The following TMEM74 variants were observed in gnomAD, a reference collection of about 807,000 sequenced individuals.
The protein encoded by TMEM74 is transmembrane protein 74.
TMEM74 carries 13 observed loss-of-function variants against 18.1 expected under a neutral mutation model. The ratio of observed to expected loss-of-function variants is 0.72; its 90% confidence interval spans 0.47 to 1.14. The LOEUF is 1.14. TMEM74 is among the 50% of genes most tolerant of loss of function. TMEM74 has a pLI of 0.00. For missense variants in TMEM74, 372 were observed against 375.9 expected, an observed-to-expected ratio of 0.99 and a Z score of 0.09; for synonymous variants, 159 against 146.6, an observed-to-expected ratio of 1.08 and a Z score of -0.61.
At chr8:108,613,836 A>G (rs896354744) in intron 2 of TMEM74, among the ~76,000 whole-genome samples, 19 of 152,192 alleles carry the variant, frequency 1.2e-4, no homozygotes, top group Non-Finnish European at 2.5e-4. Flanking sequence ...ATAAACTACA[A>G]GGTAGATTAC....
intron 1 of TMEM74, among the ~76,000 whole-genome samples, chr8:108,716,496 A>C (rs995667571): frequency 6.6e-6 from 1 of 152,072 alleles, no homozygotes; most frequent in Non-Finnish European, 1.5e-5. Context: ...AAAATTATAG[A>C]TTAGAAATTT....
chr8:108,617,003 A>G (rs990548349), intron 2 of TMEM74, among the ~76,000 whole-genome samples: 4 of 151,728 alleles, frequency 2.6e-5, no homozygotes, highest in African/African-American at 9.7e-5. Flanking sequence ...TATACTGACT[A>G]TATATTTATA....
intron 2 of TMEM74, among the ~76,000 whole-genome samples, chr8:108,616,353 A>G (rs1812383684): frequency 6.6e-6 from 1 of 152,194 alleles, no homozygotes; most frequent in Admixed American, 6.5e-5. Context: ...ATTCCATAAG[A>G]TGACATTAAA....
chr8:108,753,898 G>T (rs1813928848), intron 1 of TMEM74, among the ~76,000 whole-genome samples: 1 of 151,942 alleles, frequency 6.6e-6, no homozygotes, highest in African/African-American at 2.4e-5. Context: ...GATGTTATTA[G>T]CTGTACCTCA....
chr8:108,652,978 T>G, intron 2 of TMEM74: 1 of 256,078 alleles, frequency 3.9e-6, no homozygotes, highest in Non-Finnish European at 7.8e-6. Flanking sequence ...TTTAGTTTAT[T>G]TCCTCTGGAA....
At chr8:108,672,909 G>A (rs1197114123) in intron 1 of TMEM74, among the ~76,000 whole-genome samples, 1 of 152,160 alleles carries the variant, frequency 6.6e-6, no homozygotes, top group Non-Finnish European at 1.5e-5. Context: ...GTACAACATG[G>A]GTCACAAAGC....
intron 1 of TMEM74, among the ~76,000 whole-genome samples, chr8:108,676,436 C>G (rs1056694169): frequency 2.0e-5 from 3 of 152,106 alleles, no homozygotes; most frequent in African/African-American, 4.8e-5. Context: ...ACAGTCCCCC[C>G]TCAAAGCCTT....
At chr8:108,668,252 A>T (rs577964766) in intron 1 of TMEM74, among the ~76,000 whole-genome samples, 1 of 152,350 alleles carries the variant, frequency 6.6e-6, no homozygotes, top group South Asian at 2.1e-4. Flanking sequence ...TTTTAGAAAT[A>T]TAACCTCAAA....
intron 1 of TMEM74, among the ~76,000 whole-genome samples, chr8:108,722,436 A>G (rs1813594547): frequency 6.6e-6 from 1 of 152,208 alleles, no homozygotes; most frequent in Non-Finnish European, 1.5e-5. Context: ...AAGACTGAAC[A>G]CTGACCAAAA....
intron 1 of TMEM74, among the ~76,000 whole-genome samples, chr8:108,722,211 T>G (rs1813592548): frequency 6.6e-6 from 1 of 152,236 alleles, no homozygotes; most frequent in Non-Finnish European, 1.5e-5. Flanking sequence ...TAATCACATC[T>G]GCAAAGTCCC....
intron 1 of TMEM74, among the ~76,000 whole-genome samples, chr8:108,694,380 T>C (rs1586263815): frequency 6.6e-6 from 1 of 152,288 alleles, no homozygotes; most frequent in South Asian, 2.1e-4. Context: ...CATGCTGCGA[T>C]GTGGACAAAC....
At chr8:108,777,357 G>T (rs1401620921), downstream of TMEM74, among the ~76,000 whole-genome samples, 1 of 152,274 alleles carries the variant, frequency 6.6e-6, no homozygotes, top group East Asian at 1.9e-4. Context: ...TATGTTCACT[G>T]TTGTGCACAT....
At chr8:108,619,478 T>A (rs575790650) in intron 2 of TMEM74, among the ~76,000 whole-genome samples, 1 of 152,292 alleles carries the variant, frequency 6.6e-6, no homozygotes, top group African/African-American at 2.4e-5. Flanking sequence ...AAGAAGTGCA[T>A]GGGCCACTGT....
chr8:108,707,876 C>T (rs1813432450), intron 1 of TMEM74, among the ~76,000 whole-genome samples: 1 of 152,090 alleles, frequency 6.6e-6, no homozygotes, highest in African/African-American at 2.4e-5. Flanking sequence ...TCTGTACCAG[C>T]AAAGGATGTT....
intron 1 of TMEM74, among the ~76,000 whole-genome samples, chr8:108,661,261 CT>C (rs1812896689): frequency 6.6e-6 from 1 of 151,760 alleles, no homozygotes; most frequent in Non-Finnish European, 1.5e-5. Flanking sequence ...TTATACGACT[CT>C]GCTTTAAAAG....
At chr8:108,620,863 A>C (rs904176) in intron 2 of TMEM74, among the ~76,000 whole-genome samples, 32,014 of 152,080 alleles carry the variant, frequency 0.21, 3,411 homozygotes, top group East Asian at 0.27. Context: ...GCATCATGAC[A>C]TAGAAGTGAT....
chr8:108,629,671 G>A (rs755997355), intron 2 of TMEM74, among the ~76,000 whole-genome samples: 28 of 151,972 alleles, frequency 1.8e-4, no homozygotes, highest in Admixed American at 9.2e-4. Flanking sequence ...GAGAGTGGGG[G>A]CCAACATTCA....
intron 1 of TMEM74, among the ~76,000 whole-genome samples, chr8:108,662,287 TAGAG>T (rs1812907969): frequency 6.6e-6 from 1 of 151,570 alleles, no homozygotes; most frequent in South Asian, 2.1e-4. Flanking sequence ...AGACACATGA[TAGAG>T]AGGTAGGGAC....
At chr8:108,712,833 T>A (rs1198142021) in intron 1 of TMEM74, among the ~76,000 whole-genome samples, 1 of 152,130 alleles carries the variant, frequency 6.6e-6, no homozygotes, top group Non-Finnish European at 1.5e-5. Context: ...GCCCTTAGAA[T>A]GTAACAGAAA....
Sources: gnomAD v4.1 joint callset for allele counts (sites outside exome capture counted in the v4.1 genomes callset) on GRCh38, gnomAD v4.1.1 for gene constraint, MANE v1.5 for transcripts, NCBI Gene and HGNC (gene_info 2026-07-23, HGNC 2026-07-21) for gene names.